Variants in WASF2 observed in about 807,000 individuals in gnomAD.
The protein encoded by WASF2 is WASP family member 2, also known as actin-binding protein WASF2.
A neutral mutation model predicts 45.0 loss-of-function variants in WASF2; 14 were observed. The ratio of observed to expected loss-of-function variants is 0.31; its 90% CI spans 0.21 to 0.49. The LOEUF is 0.49. WASF2 is among the 20% of genes least tolerant of loss of function. WASF2 has a pLI of 0.99. For missense variants in WASF2, 439 were observed against 636.1 expected (o/e 0.69, Z 3.33); for synonymous variants, 200 against 236.3 (o/e 0.85, Z 1.41).
chr1:27,445,777 G>C (rs2017302848), intron 1 of WASF2, among the ~76,000 whole-genome samples: 1 of 151,698 alleles, frequency 6.6e-6, no homozygotes, highest in South Asian at 2.1e-4. Flanking sequence ...TTATCTACAG[G>C]GTCCCTGAGA....
At chr1:27,477,988 A>T (rs1230787347) in intron 1 of WASF2, among the ~76,000 whole-genome samples, 1 of 151,810 alleles carries the variant, frequency 6.6e-6, no homozygotes, top group African/African-American at 2.4e-5. Context: ...GTAGTGGCTC[A>T]TGCCTGTAAT....
In WASF2 at chr1:27,428,916, T is replaced by C. The variant is rs371431390; in HGVS notation, c.-26A>G. The C allele has an allele frequency of 1.1e-5, 18 of 1,612,696 alleles. No individual in the cohort carries two copies. In the African/African-American group the frequency reaches 2.4e-4, roughly 22 times the overall value. On this transcript the variant is annotated 5_prime_UTR_variant, in exon 2 of 9. Transcript: ENST00000618852. ...GGTGGACCTGCTTCAGGCAATGTTC[T>C]GAATGGTGAAAAACAACCTAAAAAA...
chr1:27,452,484 G>GC (rs1424969036), intron 1 of WASF2, among the ~76,000 whole-genome samples: 2 of 152,104 alleles, frequency 1.3e-5, no homozygotes, highest in Non-Finnish European at 1.5e-5. Flanking sequence ...CTGCACTCCA[G>GC]CCTGGTGACA....
intron 1 of WASF2, among the ~76,000 whole-genome samples, chr1:27,485,027 G>A (rs1199078864): frequency 6.6e-6 from 1 of 151,920 alleles, no homozygotes; most frequent in Non-Finnish European, 1.5e-5. Flanking sequence ...GCAGACACCT[G>A]TAATCCCAGC....
intron 1 of WASF2, among the ~76,000 whole-genome samples, chr1:27,429,652 T>C (rs2017034801): frequency 6.6e-6 from 1 of 151,900 alleles, no homozygotes; most frequent in Admixed American, 6.6e-5. Flanking sequence ...CGCGGGTGCC[T>C]GTAATCCCAG....
intron 1 of WASF2, among the ~76,000 whole-genome samples, chr1:27,443,228 T>G (rs1007352734): frequency 1.0e-4 from 15 of 144,644 alleles, no homozygotes; most frequent in Non-Finnish European, 2.2e-4. Context: ...CCCAGCTACC[T>G]GGGAGGCTGA....
At chr1:27,487,423 T>A (rs1275473325) in intron 1 of WASF2, among the ~76,000 whole-genome samples, 1 of 128,990 alleles carries the variant, frequency 7.8e-6, no homozygotes, top group Non-Finnish European at 1.6e-5. Flanking sequence ...TATATAAATA[T>A]ATATATTTAA....
intron 1 of WASF2, among the ~76,000 whole-genome samples, chr1:27,475,817 G>A (rs1347121775): frequency 6.6e-6 from 1 of 152,086 alleles, no homozygotes; most frequent in Non-Finnish European, 1.5e-5. Flanking sequence ...TTGTAGGGAT[G>A]GGGTTTCACC....
intron 1 of WASF2, among the ~76,000 whole-genome samples, chr1:27,485,024 C>A (rs1347672250): frequency 6.6e-6 from 1 of 151,836 alleles, no homozygotes; most frequent in Non-Finnish European, 1.5e-5. Flanking sequence ...GTGGCAGACA[C>A]CTGTAATCCC....
At chr1:27,467,480 T>G (rs1168448636) in intron 1 of WASF2, among the ~76,000 whole-genome samples, 1 of 150,100 alleles carries the variant, frequency 6.7e-6, no homozygotes, top group East Asian at 2.0e-4. Flanking sequence ...TTTTGGATTT[T>G]TTAGTAGAGA....
At chr1:27,446,153 T>C (rs968892884) in intron 1 of WASF2, among the ~76,000 whole-genome samples, 3 of 152,270 alleles carry the variant, frequency 2.0e-5, no homozygotes, top group African/African-American at 7.2e-5. Context: ...GTACATGTAT[T>C]CTTTACTAGA....
rs58480366 is a variant in WASF2, at chr1:27,479,285, C to CA, written c.-44+10700dup. Among the ~76,000 whole-genome samples, 1,012 of 139,090 alleles carry CA rather than the reference C, an allele frequency of 7.3e-3. 15 individuals are homozygous for CA. The highest frequency in any genetic ancestry group is 7.6e-3 in the Non-Finnish European group (478 of 63,220). The allele number at this position is 139,090 out of a possible 152,430, so 91.2% of individuals were successfully genotyped here. On this transcript the variant is annotated intron_variant, in intron 1 of 8. Transcript: ENST00000618852. ...TGGGCGACAGAGTGAGACTCCATCT[C>CA]AAAAAAAAAAAAAATCTTGGCTAGG...
intron 1 of WASF2, among the ~76,000 whole-genome samples, chr1:27,441,425 C>T (rs1320814629): frequency 6.7e-6 from 1 of 149,726 alleles, no homozygotes; most frequent in Non-Finnish European, 1.5e-5. Flanking sequence ...GTCAGGAATT[C>T]GAGACCAGCT....
chr1:27,413,633 C>T (rs1432586070), intron 6 of WASF2, among the ~76,000 whole-genome samples: 1 of 152,194 alleles, frequency 6.6e-6, no homozygotes, highest in Non-Finnish European at 1.5e-5. Flanking sequence ...GATAGACTAA[C>T]CATGAAGCCC....
chr1:27,426,817 CT>C (rs2016987635), intron 2 of WASF2, among the ~76,000 whole-genome samples: 1 of 152,038 alleles, frequency 6.6e-6, no homozygotes, highest in South Asian at 2.1e-4. Context: ...GCCAAGTTAC[CT>C]TATTTTTCTG....
At chr1:27,476,821 C>G (rs758956682) in intron 1 of WASF2, among the ~76,000 whole-genome samples, 4 of 152,172 alleles carry the variant, frequency 2.6e-5, no homozygotes, top group Non-Finnish European at 5.9e-5. Context: ...GCAGATGACT[C>G]TACAGCAACA....
rs556594342 is a variant in WASF2 at position 27,421,439 on chromosome 1, A to T, written c.131-2351T>A. Among the ~76,000 whole-genome samples, 84 of 152,354 alleles carry T rather than the reference A, an allele frequency of 5.5e-4. 1 individual carries two copies. Among genetic ancestry groups the T allele is most frequent in the African/African-American group, 2.0e-3 (83 of 41,596 alleles). On this transcript the variant is annotated intron_variant, in intron 2 of 8. Coordinates refer to ENST00000618852, the MANE Select transcript of WASF2 (RefSeq NM_006990.5). ...ATGCCTGTAATCCCATCACTTTGGG[A>T]GGCCAAGGTGGGCAGATCACTTGAG...
rs750337148 is a variant in WASF2, at chr1:27,489,250, GCGCA to G, written c.-44+732_-44+735del. Among the ~76,000 whole-genome samples the G allele has an allele frequency of 0.015, 1,677 of 111,638 alleles. 174 individuals are homozygous for G. The East Asian group carries it at 0.18, about 12-fold the overall frequency. The allele number at this position is 111,638 out of a possible 152,430, so 73.2% of individuals were successfully genotyped here. On this transcript the variant is annotated intron_variant, in intron 1 of 8. Transcript: ENST00000618852. The stretch of plus-strand genomic sequence containing the variant: ...TTACTCTGCAGACTATCCTGTACGC[GCGCA>G]CACACACACACACACACACACACAC...
chr1:27,419,229 T>A, intron 2 of WASF2, 141 bp from the exon 3 acceptor site: 1 of 784,732 alleles, frequency 1.3e-6, no homozygotes, highest in Non-Finnish European at 2.0e-6. Flanking sequence ...TTGGGCTATA[T>A]GCAGATGACT....
Sources: allele counts gnomAD v4.1 joint callset (sites outside exome capture counted in the v4.1 genomes callset), GRCh38; gene constraint gnomAD v4.1.1; transcripts MANE v1.5; gene names NCBI Gene and HGNC (gene_info 2026-07-23, HGNC 2026-07-21).